Variants in TPRA1 observed in about 807,000 individuals in gnomAD.
The protein encoded by TPRA1 is transmembrane protein adipocyte-associated 1.
TPRA1 carries 28 observed loss-of-function variants against 40.1 expected under a neutral mutation model. The ratio of observed to expected loss-of-function variants is 0.70; its 90% CI spans 0.52 to 0.96. The LOEUF (loss-of-function observed/expected upper bound fraction) is 0.96. Ranked by LOEUF, TPRA1 falls within the 40% of genes least tolerant of loss-of-function variation. The probability of loss-of-function intolerance (pLI) is 0.00; values close to 1 mark genes in which losing one functional copy is unlikely to be tolerated. For synonymous variants in TPRA1, 219 were observed against 209.7 expected (o/e 1.04, Z -0.38); for missense variants, 441 against 482.6 (o/e 0.91, Z 0.81).
intron 10 of TPRA1, 169 bp downstream of exon 10, chr3:127,575,016 G>T: frequency 1.4e-6 from 1 of 697,440 alleles, no homozygotes; most frequent in Non-Finnish European, 2.4e-6. Flanking sequence ...ATATCTGTGT[G>T]CATGTGCATG....
upstream of TPRA1, among the ~76,000 whole-genome samples, chr3:127,591,457 C>T (rs1484675910): frequency 6.6e-6 from 1 of 152,224 alleles, no homozygotes; most frequent in Non-Finnish European, 1.5e-5. Context: ...ACGCCTGTTC[C>T]TCTGGAAAGC....
chr3:127,573,594 A>C lies in TPRA1; in HGVS notation c.1049T>G (p.Ile350Ser). ...GCCAGTGTGGCAGGGCATGGAAGCG[A>C]TGTCATCCAGGTAGGCCACCCCGCC... ...SAGGVAYLDD[I>S]ASMPCHTGSI... The change falls in exon 11 of 11, where the codon ATC becomes AGC. Residue 350 changes from isoleucine (I) to serine (S), a missense_variant. Ile to Ser is a moderately radical substitution (Grantham distance 142). Transcript: ENST00000355552. 6.2e-7 allele frequency: 1 copy of C among 1,613,048 alleles called. No individual in the cohort carries two copies. The highest frequency in any genetic ancestry group is 8.5e-7 in the Non-Finnish European group (1 of 1,179,982).
At chr3:127,584,555 A>AAACT (rs2073944139) in intron 1 of TPRA1, among the ~76,000 whole-genome samples, 1 of 150,810 alleles carries the variant, frequency 6.6e-6, no homozygotes, top group Non-Finnish European at 1.5e-5. Context: ...AACACAGTAG[A>AAACT]GACTGCTGGG....
chr3:127,592,976 A>T (rs1245679556), upstream of TPRA1, among the ~76,000 whole-genome samples: 2 of 152,190 alleles, frequency 1.3e-5, no homozygotes, highest in Non-Finnish European at 2.9e-5. Flanking sequence ...GGAGTTATTC[A>T]TCTTAAGCTT....
At position 127,577,060 on chromosome 3, in the gene TPRA1, A is replaced by G. The variant is rs757769655; in HGVS notation, c.275T>C (p.Leu92Pro). 1.2e-6 allele frequency: 2 copies of G among 1,613,426 alleles called. No individual in the cohort carries two copies. The highest frequency in any genetic ancestry group is 1.1e-5 in the South Asian group (1 of 91,074). Reference sequence around the variant, plus strand: ...TACCACGGCCCGGGCAATGCCCACCAGCGCCACCACAAACACCTGGTGGGC... The same window carrying G: ...TACCACGGCCCGGGCAATGCCCACCGGCGCCACCACAAACACCTGGTGGGC... ...TFYILVFVVA[L>P]VGIARAVVSM... Residue 92 changes from leucine to proline, a missense_variant, in exon 4 of 11, where the codon CTG (leucine) becomes CCG (proline). By Grantham distance (98) the Leu-to-Pro change is moderately conservative (BLOSUM62 -3). Coordinates refer to ENST00000355552, the MANE Select transcript of TPRA1 (RefSeq NM_001136053.4).
rs1473434329 is a variant in TPRA1, at chr3:127,572,554, G to A, written c.*967C>T. 6.6e-6 allele frequency among the ~76,000 whole-genome samples: 1 copy of A among 152,134 alleles called. No individual in the cohort carries two copies. The highest frequency in any genetic ancestry group is 6.5e-5 in the Admixed American group (1 of 15,282). On this transcript the variant is annotated 3_prime_UTR_variant, in exon 11 of 11. Transcript: ENST00000355552. ...ACACCCATCCTTATGACAAACATCA[G>A]TCCCCGAGTCCTGTCTGCTGGGGGC...
chr3:127,591,993 C>T (rs1029972863), upstream of TPRA1: 4 of 152,274 alleles, frequency 2.6e-5, no homozygotes, highest in Non-Finnish European at 5.9e-5. Flanking sequence ...CCTTGTGATC[C>T]TCTGGGACTT....
chr3:127,574,928 G>A (rs2073532292), intron 10 of TPRA1: 2 of 548,060 alleles, frequency 3.6e-6, no homozygotes. Flanking sequence ...GTGTTTGTGT[G>A]TGCATGTGCA....
In TPRA1 at chr3:127,590,650, C is replaced by T. The variant is rs2074146548; in HGVS notation, c.-258G>A. The T allele has an allele frequency of 6.6e-6, 1 of 152,272 alleles. No individual in the cohort carries two copies. Among genetic ancestry groups the T allele is most frequent in the Non-Finnish European group, 1.5e-5 (1 of 68,088 alleles). 9.4% of individuals were successfully genotyped at this position (152,272 alleles called of 1,614,324 possible). On this transcript the variant is annotated 5_prime_UTR_variant, in exon 1 of 11. Coordinates refer to ENST00000355552, the MANE Select transcript of TPRA1 (RefSeq NM_001136053.4). ...CCGGGCCGCGGGTCTCGCGGACACC[C>T]TGCAGCCCTTCCCGACAGCGGCGAC... is the stretch of plus-strand genomic sequence containing the variant.
At chr3:127,597,256 T>C (rs1362907906) in intron 1 of TPRA1, among the ~76,000 whole-genome samples, 3 of 152,222 alleles carry the variant, frequency 2.0e-5, no homozygotes, top group African/African-American at 7.2e-5. Flanking sequence ...GATTCAGCCC[T>C]GCCTCTGCTC....
At chr3:127,585,890 T>C (rs2073985377) in intron 1 of TPRA1, among the ~76,000 whole-genome samples, 1 of 152,214 alleles carries the variant, frequency 6.6e-6, no homozygotes, top group Non-Finnish European at 1.5e-5. Context: ...CTGCTCTAGT[T>C]TGACATGGCA....
chr3:127,598,223 G>A (rs1367127233), upstream of TPRA1: 2 of 599,250 alleles, frequency 3.3e-6, no homozygotes, highest in East Asian at 2.9e-5. Context: ...CCACAGCGCA[G>A]GCGAGCGCAC....
At chr3:127,584,447 TAAAAAAA>T (rs1163065087) in intron 1 of TPRA1, among the ~76,000 whole-genome samples, 8 of 20,860 alleles carry the variant, frequency 3.8e-4, no homozygotes, top group Admixed American at 2.0e-3. Context: ...AGACCCTGTC[TAAAAAAA>T]AAAAAAAAAA....
intron 1 of TPRA1, among the ~76,000 whole-genome samples, chr3:127,585,005 T>A (rs765369360): frequency 1.3e-5 from 2 of 151,958 alleles, no homozygotes; most frequent in African/African-American, 4.8e-5. Flanking sequence ...AGAAAGAAGG[T>A]GTCTGGGTCC....
At chr3:127,579,100 G>C (rs2073743985) in intron 3 of TPRA1, among the ~76,000 whole-genome samples, 1 of 152,186 alleles carries the variant, frequency 6.6e-6, no homozygotes, top group Non-Finnish European at 1.5e-5. Context: ...CACATTTGGA[G>C]CTGCCTTCTC....
At chr3:127,590,751 AG>A (rs1210839976), upstream of TPRA1, 1 of 152,234 alleles carries the variant, frequency 6.6e-6, no homozygotes, top group Non-Finnish European at 1.5e-5. Context: ...CCAGAGTCCC[AG>A]AGTCCCTGTT....
chr3:127,591,247 C>T (rs1281503445), upstream of TPRA1, among the ~76,000 whole-genome samples: 2 of 152,170 alleles, frequency 1.3e-5, no homozygotes, highest in African/African-American at 2.4e-5. Flanking sequence ...CGCAGGGCCG[C>T]CGCCTCCCAG....
intron 1 of TPRA1, among the ~76,000 whole-genome samples, chr3:127,596,915 G>C (rs539647433): frequency 1.3e-5 from 2 of 152,318 alleles, no homozygotes; most frequent in African/African-American, 4.8e-5. Context: ...AGGAGTTGGA[G>C]ACCAGCCTAG....
At chr3:127,585,559 T>G (rs1019813639) in intron 1 of TPRA1, among the ~76,000 whole-genome samples, 1 of 152,128 alleles carries the variant, frequency 6.6e-6, no homozygotes, top group African/African-American at 2.4e-5. Context: ...GTGGCAGCAG[T>G]GCAGGTGGAA....
Sources: gnomAD v4.1 joint callset for allele counts (sites outside exome capture counted in the v4.1 genomes callset) on GRCh38, gnomAD v4.1.1 for gene constraint, MANE v1.5 for transcripts, NCBI Gene and HGNC (gene_info 2026-07-23, HGNC 2026-07-21) for gene names.